Variants in ERBB3 observed in about 807,000 individuals in gnomAD.
ERBB3 encodes the protein receptor tyrosine-protein kinase erbB-3.
Under a neutral mutation model 156.7 loss-of-function variants are expected in ERBB3, and 96 were observed. The observed-to-expected ratio is 0.61, with a 90% CI of 0.52 to 0.73. The LOEUF (loss-of-function observed/expected upper bound fraction) is 0.73, where lower values mean the gene tolerates loss of function less well. Among genes scored for constraint, ERBB3 ranks in the 30% least tolerant of loss-of-function variants. The probability of loss-of-function intolerance (pLI) is 0.00; values close to 1 mark genes in which losing one functional copy is unlikely to be tolerated. For synonymous variants in ERBB3, 567 were observed against 632.0 expected (o/e 0.90, Z 1.54); for missense variants, 1,406 against 1,709.4 (o/e 0.82, Z 3.13).
chr12:56,099,366 T>C (rs1869008669), intron 23 of ERBB3, among the ~76,000 whole-genome samples: 1 of 151,574 alleles, frequency 6.6e-6, no homozygotes, highest in Non-Finnish European at 1.5e-5. Flanking sequence ...AGCGTGACCT[T>C]GGCTCACCGT....
At chr12:56,095,940 T>C in intron 17 of ERBB3, 134 bp downstream of exon 17, 1 of 918,060 alleles carries the variant, frequency 1.1e-6, no homozygotes, top group Admixed American at 2.0e-5. Context: ...CCCCTCCTCT[T>C]TCCCCAGAGA....
chr12:56,086,315 G>A (rs569487317), intron 3 of ERBB3, among the ~76,000 whole-genome samples: 1 of 152,160 alleles, frequency 6.6e-6, no homozygotes, highest in Admixed American at 6.5e-5. Flanking sequence ...TAGCTAAACC[G>A]GATCTGGACA....
At chr12:56,097,324 T>G in intron 20 of ERBB3, 94 bp downstream of exon 20, 112 of 1,187,558 alleles carry the variant, frequency 9.4e-5, no homozygotes, top group Non-Finnish European at 1.3e-4. Flanking sequence ...AGAGGTGAGG[T>G]CCCCAACCCC....
At position 56,098,096 on chromosome 12, in the gene ERBB3, T is replaced by G. The variant is rs10783779; in HGVS notation, c.2616+156T>G. Among the ~76,000 whole-genome samples, 55,524 of 151,654 alleles carry G rather than the reference T, an allele frequency of 0.37. 10,311 individuals are homozygous for G. The highest frequency in any genetic ancestry group is 0.4 in the Non-Finnish European group (27,295 of 67,904). ...ATATTTTAGTTCAGAGGGCAACAAATAAAATAATGATCAAGAACTTGGGAC... is the reference window on the plus strand; with the variant it reads ...ATATTTTAGTTCAGAGGGCAACAAAGAAAATAATGATCAAGAACTTGGGAC... On this transcript the variant is annotated intron_variant, in intron 21 of 27. Transcript: ENST00000267101.
chr12:56,095,475 T>C (rs1209514302), intron 16 of ERBB3, 165 bp downstream of exon 16: 12 of 890,520 alleles, frequency 1.3e-5, no homozygotes, highest in Middle Eastern at 3.0e-4. Context: ...TGGACTTCCC[T>C]TCCTAAAATT....
rs1292460026 is a variant in ERBB3, at chr12:56,095,723, A to T, written c.1972A>T (p.Met658Leu). Residue 658 changes from methionine (M) to leucine (L), a missense_variant, in exon 17 of 28, where the codon ATG becomes TTG. Met to Leu is a conservative substitution (Grantham distance 15). Around this residue, in one of 3 missense-constraint regions of ERBB3, gnomAD observed 979 missense variants for 1,219.6 expected, o/e 0.80. Coordinates refer to ENST00000267101, the MANE Select transcript of ERBB3 (RefSeq NM_001982.4). ...VIAGLVVIFMMLGGTFLYWRG... is the reference protein window; with the variant it reads ...VIAGLVVIFMLLGGTFLYWRG... The stretch of plus-strand genomic sequence containing the variant: ...AGCAGGATTGGTAGTGATTTTCATG[A>T]TGCTGGGCGGCACTTTTCTCTACTG... 1 of 1,614,234 alleles carries T rather than the reference A, an allele frequency of 6.2e-7. No individual in the cohort carries two copies. Among genetic ancestry groups the T allele is most frequent in the South Asian group, 1.1e-5 (1 of 91,090 alleles).
At chr12:56,094,348 G>T in intron 14 of ERBB3, 54 bp from the exon 15 acceptor site, 1 of 1,606,542 alleles carries the variant, frequency 6.2e-7, no homozygotes, top group Non-Finnish European at 8.5e-7. Context: ...TTGCTGGGAG[G>T]TATGGAATTG....
chr12:56,086,687 G>A, intron 4 of ERBB3, 31 bp downstream of exon 4: 1 of 1,613,580 alleles, frequency 6.2e-7, no homozygotes, highest in South Asian at 1.1e-5. Context: ...TTGCTCCCCA[G>A]TCCCACCAAA....
chr12:56,097,924 T>C lies in ERBB3; in HGVS notation c.2600T>C (p.Leu867Pro). Residue 867 changes from leucine (L) to proline (P), a missense_variant, in exon 21 of 28, where the codon CTA becomes CCA. By Grantham distance (98) the Leu-to-Pro change is moderately conservative. This residue lies in a region of ERBB3 where 979 missense variants were observed against 1,219.6 expected (regional missense o/e 0.80). Transcript: ENST00000267101. ...DLLPPDDKQL[L>P]YSEAKTPIKW... ...CTGCCTCCTGATGATAAGCAGCTGC[T>C]ATACAGTGAGGCCAAGGTGAGGAGA... 6.2e-7 allele frequency: 1 copy of C among 1,613,340 alleles called. No homozygotes were observed. The highest frequency in any genetic ancestry group is 8.5e-7 in the Non-Finnish European group (1 of 1,179,970).
In ERBB3 at chr12:56,096,326, T is replaced by C; in HGVS notation, c.2056-177T>C. The C allele has an allele frequency of 4.1e-6, 3 of 725,838 alleles. No individual in the cohort carries two copies. The Admixed American group carries it at 7.1e-5, about 17-fold the overall frequency. The allele number at this position is 725,838 out of a possible 1,614,324, so 45.0% of individuals were successfully genotyped here. On this transcript the variant is annotated intron_variant, in intron 17 of 27. Coordinates refer to ENST00000267101, the MANE Select transcript of ERBB3 (RefSeq NM_001982.4). The stretch of plus-strand genomic sequence containing the variant: ...TCCTGATCTCATGAGCACAAATAAC[T>C]TCCTCAGTTCTCAGGGTCTGTACCT...
chr12:56,096,918 C>A, intron 19 of ERBB3, 72 bp downstream of exon 19: 1 of 1,386,710 alleles, frequency 7.2e-7, no homozygotes, highest in Non-Finnish European at 1.0e-6. Context: ...GAAGCAGGGT[C>A]CTGTGCTTCT....
In ERBB3 at chr12:56,087,878, G is replaced by A. The variant is rs753556193; in HGVS notation, c.697G>A (p.Gly233Arg). 10 of 1,613,866 alleles carry A rather than the reference G, an allele frequency of 6.2e-6. No individual in the cohort carries two copies. The Admixed American group carries it at 6.7e-5, about 11-fold the overall frequency. ...CCAGTGCTGCCATGATGAGTGTGCC[G>A]GGGGCTGCTCAGGCCCTCAGGACAC... ...PNQCCHDECAGGCSGPQDTDC... is the reference protein window; with the variant it reads ...PNQCCHDECARGCSGPQDTDC... The change falls in exon 6 of 28, where the codon GGG becomes AGG. Residue 233 changes from glycine to arginine, a missense_variant. Physicochemically the swap from Gly to Arg is moderately radical, Grantham distance 125. Coordinates refer to ENST00000267101, the MANE Select transcript of ERBB3 (RefSeq NM_001982.4).
intron 15 of ERBB3, 104 bp downstream of exon 15, chr12:56,094,660 ACTCC>A: frequency 1.4e-6 from 2 of 1,398,454 alleles, no homozygotes; most frequent in Non-Finnish European, 2.0e-6. Context: ...TTCAAGAATC[ACTCC>A]CAGCTGGCCG....
intron 4 of ERBB3, 152 bp from the exon 5 acceptor site, chr12:56,087,425 C>A: frequency 1.3e-6 from 1 of 750,576 alleles, no homozygotes; most frequent in Non-Finnish European, 2.4e-6. Context: ...CCACTTGAGC[C>A]CAGCCCTGCT....
At chr12:56,092,881 G>T in intron 10 of ERBB3, 61 bp downstream of exon 10, 1 of 1,560,954 alleles carries the variant, frequency 6.4e-7, no homozygotes. Context: ...ATAAATTGCG[G>T]TATAACTACT....
intron 12 of ERBB3, 78 bp downstream of exon 12, chr12:56,093,628 C>T (rs778580203): frequency 9.0e-6 from 14 of 1,556,704 alleles, no homozygotes; most frequent in East Asian, 4.5e-5. Context: ...CTGCCCTAGA[C>T]GTGGGAGTAG....
intron 6 of ERBB3, 47 bp from the exon 7 acceptor site, chr12:56,087,974 A>G (rs779099720): frequency 1.4e-5 from 22 of 1,613,826 alleles, no homozygotes; most frequent in Non-Finnish European, 1.9e-5. Flanking sequence ...AGGAGGAGGT[A>G]GGGGTACACA....
At chr12:56,089,026 C>A in intron 9 of ERBB3, 158 bp downstream of exon 9, 2 of 955,248 alleles carry the variant, frequency 2.1e-6, no homozygotes, top group Non-Finnish European at 3.3e-6. Context: ...ACACATCCTC[C>A]ATCCAGGCCT....
chr12:56,099,771 G>T (rs1869025156), intron 24 of ERBB3, 26 bp downstream of exon 24: 6 of 1,613,270 alleles, frequency 3.7e-6, no homozygotes, highest in Non-Finnish European at 5.1e-6. Context: ...GAGGTGCTAA[G>T]GAAATTTAGA....
Sources: gnomAD v4.1 joint callset for allele counts (sites outside exome capture counted in the v4.1 genomes callset) on GRCh38, gnomAD v4.1.1 for gene constraint, gnomAD v4.1.1 regional missense constraint, MANE v1.5 for transcripts, NCBI Gene and HGNC (gene_info 2026-07-23, HGNC 2026-07-21) for gene names.